NEBL: variants seen among roughly 807,000 people sequenced by gnomAD.
The protein encoded by NEBL is nebulette.
In NEBL, 122 loss-of-function variants were observed where a neutral mutation model predicts 140.2. The ratio of observed to expected loss-of-function variants is 0.87; its 90% CI spans 0.75 to 1.01. The LOEUF (loss-of-function observed/expected upper bound fraction) is 1.01, where lower values mean the gene tolerates loss of function less well. Ranked by LOEUF, NEBL falls within the 50% of genes least tolerant of loss-of-function variation. NEBL has a pLI of 0.00. For synonymous variants in NEBL, 436 were observed against 398.9 expected, an observed-to-expected ratio of 1.09 and a Z score of -1.11; for missense variants, 1,365 against 1,231.3, an observed-to-expected ratio of 1.11 and a Z score of -1.62.
At chr10:21,005,577 A>G (rs1465177195) in intron 3 of NEBL, among the ~76,000 whole-genome samples, 1 of 152,064 alleles carries the variant, frequency 6.6e-6, no homozygotes, top group African/African-American at 2.4e-5. Flanking sequence ...TTTTCAAATA[A>G]AATAAAATTA....
chr10:21,284,625 G>C (rs1010372522), intron 1 of NEBL, among the ~76,000 whole-genome samples: 3 of 152,108 alleles, frequency 2.0e-5, no homozygotes, highest in Non-Finnish European at 4.4e-5. Flanking sequence ...AAGAGCACAA[G>C]GAGTGCTATA....
intron 3 of NEBL, among the ~76,000 whole-genome samples, chr10:20,993,819 A>C (rs944474825): frequency 2.6e-4 from 40 of 152,318 alleles, no homozygotes; most frequent in African/African-American, 9.1e-4. Flanking sequence ...ACACTTCGAC[A>C]ATTACAGAGG....
intron 1 of NEBL, among the ~76,000 whole-genome samples, chr10:21,257,108 C>T (rs908929669): frequency 6.6e-6 from 1 of 152,220 alleles, no homozygotes; most frequent in African/African-American, 2.4e-5. Context: ...CATACTTCTG[C>T]TCCTTTCTCA....
At chr10:21,205,858 A>G (rs1841817109) in intron 3 of NEBL, among the ~76,000 whole-genome samples, 1 of 152,206 alleles carries the variant, frequency 6.6e-6, no homozygotes, top group Non-Finnish European at 1.5e-5. Flanking sequence ...AATTTCATAA[A>G]CATGCAGCTA....
At chr10:20,816,108 A>G (rs989626915) in intron 21 of NEBL, among the ~76,000 whole-genome samples, 3 of 152,204 alleles carry the variant, frequency 2.0e-5, no homozygotes, top group Non-Finnish European at 4.4e-5. Flanking sequence ...GAAGTTTTGT[A>G]GGAAACTACA....
At chr10:20,893,395 A>C (rs1490084518) in intron 2 of NEBL, among the ~76,000 whole-genome samples, 1 of 152,232 alleles carries the variant, frequency 6.6e-6, no homozygotes, top group Non-Finnish European at 1.5e-5. Flanking sequence ...TGATTAACAG[A>C]AAAATAAAAG....
intron 2 of NEBL, among the ~76,000 whole-genome samples, chr10:21,053,383 A>T (rs1834865024): frequency 6.6e-6 from 1 of 152,174 alleles, no homozygotes; most frequent in African/African-American, 2.4e-5. Context: ...CTGCATACTC[A>T]TCCACACTCA....
chr10:21,116,875 T>C (rs1838307299), intron 2 of NEBL, among the ~76,000 whole-genome samples: 2 of 152,064 alleles, frequency 1.3e-5, no homozygotes, highest in Non-Finnish European at 1.5e-5. Flanking sequence ...TCTCACTGTA[T>C]TGTCCAGACT....
chr10:20,849,047 T>C (rs1397480874), intron 11 of NEBL, among the ~76,000 whole-genome samples: 1 of 152,142 alleles, frequency 6.6e-6, no homozygotes, highest in Non-Finnish European at 1.5e-5. Context: ...AGGATCTTAT[T>C]CATTGAGCAT....
At chr10:20,930,769 C>T (rs1224648793) in intron 4 of NEBL, among the ~76,000 whole-genome samples, 6 of 152,198 alleles carry the variant, frequency 3.9e-5, no homozygotes, top group African/African-American at 1.4e-4. Flanking sequence ...ACAAATGATT[C>T]TAATCCTCTT....
rs1294236945 is a variant in NEBL at position 20,782,637 on chromosome 10, T to C, written c.*3110A>G. ...TATCCATATTCCTACAAGGTGCTTG[T>C]GGAAACTGTGCTTACAAATGCCTGT... On this transcript the variant is annotated 3_prime_UTR_variant, in exon 28 of 28. Coordinates refer to ENST00000377122, the MANE Select transcript of NEBL (RefSeq NM_006393.3). 1 of 152,192 alleles carries C rather than the reference T, an allele frequency of 6.6e-6. No individual in the cohort carries two copies. Among genetic ancestry groups the C allele is most frequent in the Non-Finnish European group, 1.5e-5 (1 of 68,050 alleles). The allele number at this position is 152,192 out of a possible 1,614,324, so 9.4% of individuals were successfully genotyped here.
chr10:20,878,718 T>C (rs1221934008), intron 5 of NEBL, among the ~76,000 whole-genome samples: 1 of 152,210 alleles, frequency 6.6e-6, no homozygotes, highest in Non-Finnish European at 1.5e-5. Context: ...TCCTATTATA[T>C]GTACAAACTT....
chr10:21,040,996 T>G (rs1564490065), intron 2 of NEBL, among the ~76,000 whole-genome samples: 1 of 152,148 alleles, frequency 6.6e-6, no homozygotes, highest in African/African-American at 2.4e-5. Context: ...TTAAGCCCAT[T>G]TTCTTTATTA....
intron 3 of NEBL, among the ~76,000 whole-genome samples, chr10:21,008,121 T>C (rs932644992): frequency 1.3e-5 from 2 of 152,222 alleles, no homozygotes; most frequent in African/African-American, 2.4e-5. Context: ...TGTTATATTA[T>C]TATATACGTG....
At chr10:20,976,618 A>G (rs1485090971) in intron 3 of NEBL, among the ~76,000 whole-genome samples, 1 of 152,204 alleles carries the variant, frequency 6.6e-6, no homozygotes, top group Non-Finnish European at 1.5e-5. Context: ...TGCCCTTTGC[A>G]GCCACATGGA....
intron 3 of NEBL, among the ~76,000 whole-genome samples, chr10:21,235,299 A>C (rs190351017): frequency 8.4e-4 from 128 of 151,918 alleles, no homozygotes; most frequent in Admixed American, 1.7e-3. Context: ...CTATCTCTTA[A>C]AAAAAAATCC....
At chr10:20,947,574 T>A (rs1310354441) in intron 4 of NEBL, among the ~76,000 whole-genome samples, 2 of 152,020 alleles carry the variant, frequency 1.3e-5, no homozygotes, top group African/African-American at 4.8e-5. Flanking sequence ...ATCGATGGAG[T>A]AATCTGCAAA....
chr10:20,828,358 G>T (rs896753212), intron 17 of NEBL, among the ~76,000 whole-genome samples, 172 bp downstream of exon 17: 2 of 151,910 alleles, frequency 1.3e-5, no homozygotes, highest in Admixed American at 1.3e-4. Flanking sequence ...AATGAAAAAT[G>T]ATAATTTGTA....
chr10:20,897,533 T>C (rs1847614662), upstream of NEBL: 1 of 1,082,626 alleles, frequency 9.2e-7, no homozygotes, highest in Non-Finnish European at 1.1e-6. Context: ...TTACTAATTC[T>C]ATTCATTCAT....
Sources: allele counts gnomAD v4.1 joint callset (sites outside exome capture counted in the v4.1 genomes callset), GRCh38; gene constraint gnomAD v4.1.1; transcripts MANE v1.5; gene names NCBI Gene and HGNC (gene_info 2026-07-23, HGNC 2026-07-21).